Variants in CYP4V2 observed in about 807,000 individuals in gnomAD.
The protein encoded by CYP4V2 is cytochrome P450 4V2.
In CYP4V2, 55 loss-of-function variants were observed where a neutral mutation model predicts 60.8. The ratio of observed to expected loss-of-function variants is 0.90; its 90% CI spans 0.73 to 1.13. The LOEUF (loss-of-function observed/expected upper bound fraction) is 1.13, where lower values mean the gene tolerates loss of function less well. Among genes scored for constraint, CYP4V2 ranks in the 50% most tolerant of loss-of-function variants. The pLI is 0.00. For missense variants in CYP4V2, 675 were observed against 662.9 expected, an observed-to-expected ratio of 1.02 and a Z score of -0.20; for synonymous variants, 239 against 236.8, an observed-to-expected ratio of 1.01 and a Z score of -0.08.
intron 3 of CYP4V2, 160 bp from the exon 4 acceptor site, chr4:186,196,780 T>C (rs1406322111): frequency 6.1e-6 from 4 of 657,294 alleles, no homozygotes; most frequent in Non-Finnish European, 1.0e-5. Context: ...TATATCTTTG[T>C]CATTCTGCCA....
chr4:186,200,149 T>C (rs1736265008), intron 6 of CYP4V2, among the ~76,000 whole-genome samples: 1 of 152,192 alleles, frequency 6.6e-6, no homozygotes, highest in African/African-American at 2.4e-5. Context: ...ATTTTATTCA[T>C]TGAATAAACA....
At chr4:186,208,223 A>C (rs936205616) in intron 8 of CYP4V2, among the ~76,000 whole-genome samples, 1 of 140,980 alleles carries the variant, frequency 7.1e-6, no homozygotes, top group Non-Finnish European at 1.5e-5. Flanking sequence ...CTTGATCCAC[A>C]TGTTCTTCTT....
At chr4:186,194,679 C>A in intron 2 of CYP4V2, 67 bp downstream of exon 2, 1 of 1,406,846 alleles carries the variant, frequency 7.1e-7, no homozygotes, top group Non-Finnish European at 1.0e-6. Context: ...TCACCAGAAT[C>A]AATATAACGT....
chr4:186,191,967 G>T lies in CYP4V2; in HGVS notation c.144G>T (p.Arg48=). 1 of 1,586,288 alleles carries T rather than the reference G, an allele frequency of 6.3e-7. No individual in the cohort carries two copies. ...ACGCGCGGAAATGGCAGCAGATGCG[G>T]CCCATCCCCACGGTGGCCCGCGCCT... ...ASYARKWQQM[R]PIPTVARAYP... Residue 48 remains arginine, a synonymous_variant, in exon 1 of 11, where the codon CGG becomes CGT. Transcript: ENST00000378802.
rs1393821455 is a variant in CYP4V2 at position 186,194,680 on chromosome 4, A to T, written c.327+68A>T. ...ACAGTGTGAGAATCTCACCAGAATC[A>T]ATATAACGTGTCCTTATATTTCAGC... On this transcript the variant is annotated intron_variant, in intron 2 of 10. Coordinates refer to ENST00000378802, the MANE Select transcript of CYP4V2 (RefSeq NM_207352.4). 15 of 1,407,178 alleles carry T rather than the reference A, an allele frequency of 1.1e-5. No individual in the cohort carries two copies. In the Admixed American group the frequency reaches 1.2e-4, roughly 11 times the overall value. 87.2% of individuals were successfully genotyped at this position (1,407,178 alleles called of 1,614,324 possible).
intron 1 of CYP4V2, among the ~76,000 whole-genome samples, chr4:186,192,949 A>AC (rs1736033608): frequency 6.6e-6 from 1 of 152,110 alleles, no homozygotes; most frequent in African/African-American, 2.4e-5. Flanking sequence ...ACTTTTTCTC[A>AC]TTTTCACTTG....
At chr4:186,202,085 C>G (rs1736320967) in intron 7 of CYP4V2, 2 of 152,240 alleles carry the variant, frequency 1.3e-5, no homozygotes, top group South Asian at 4.1e-4. Context: ...TGTGAGGCTC[C>G]ACGACACGGT....
chr4:186,191,730 G>C lies in CYP4V2; in HGVS notation c.-94G>C. The C allele has an allele frequency of 8.4e-7, 1 of 1,183,646 alleles. No individual in the cohort carries two copies. Among genetic ancestry groups the C allele is most frequent in the Non-Finnish European group, 1.1e-6 (1 of 929,146 alleles). 73.3% of individuals were successfully genotyped at this position (1,183,646 alleles called of 1,614,324 possible). On this transcript the variant is annotated 5_prime_UTR_variant, in exon 1 of 11. Transcript: ENST00000378802. ...CGGGGAGCGCGCCAGGTCCGCGCGG[G>C]GAAGTGGGCGGTGTGCGGCCGGCAC...
At position 186,191,884 on chromosome 4, in the gene CYP4V2, G is replaced by A. The variant is rs755283061; in HGVS notation, c.61G>A (p.Ala21Thr). The A allele has an allele frequency of 4.7e-5, 74 of 1,589,836 alleles. No individual in the cohort carries two copies. The South Asian group carries it at 7.9e-4, about 17-fold the overall frequency. Residue 21 changes from alanine to threonine, a missense_variant, in exon 1 of 11, where the codon GCC becomes ACC. Physicochemically the swap from Ala to Thr is moderately conservative, Grantham distance 58 (BLOSUM62 0). Coordinates refer to ENST00000378802, the MANE Select transcript of CYP4V2 (RefSeq NM_207352.4). ...GCTGCTGCTGTGGGGCGCGGCGAGT[G>A]CCCTTTCCCTGGCCGGCGCCAGTCT... is the stretch of plus-strand genomic sequence containing the variant. The part of the protein sequence containing the change: ...QKLLLWGAAS[A>T]LSLAGASLVL...
chr4:186,198,048 G>A (rs922854119), intron 5 of CYP4V2, among the ~76,000 whole-genome samples: 1 of 152,006 alleles, frequency 6.6e-6, no homozygotes, highest in Non-Finnish European at 1.5e-5. Context: ...CATATTTTCT[G>A]CACCAAGTAG....
chr4:186,210,682 T>G lies in CYP4V2; in HGVS notation c.*41T>G. On this transcript the variant is annotated 3_prime_UTR_variant, in exon 11 of 11. Coordinates refer to ENST00000378802, the MANE Select transcript of CYP4V2 (RefSeq NM_207352.4). ...GTGCCTTTATCATGAGAAAGGTCTT[T>G]ATTTTAAGAGATCCTTGTCATTTAC... 1 of 1,611,290 alleles carries G rather than the reference T, an allele frequency of 6.2e-7. No homozygotes were observed. Among genetic ancestry groups the G allele is most frequent in the Non-Finnish European group, 8.5e-7 (1 of 1,178,010 alleles).
chr4:186,191,859 G>A lies in CYP4V2; in HGVS notation c.36G>A (p.Lys12=), dbSNP rs1735992731. The part of the protein sequence containing the change: ...AGLWLGLVWQ[K]LLLWGAASAL... Reference sequence around the variant, plus strand: ...TCTGGCTGGGGCTCGTGTGGCAGAAGCTGCTGCTGTGGGGCGCGGCGAGTG... The same window carrying A: ...TCTGGCTGGGGCTCGTGTGGCAGAAACTGCTGCTGTGGGGCGCGGCGAGTG... Residue 12 remains lysine, a synonymous_variant, in exon 1 of 11, where the codon AAG becomes AAA. Coordinates refer to ENST00000378802, the MANE Select transcript of CYP4V2 (RefSeq NM_207352.4). The A allele has an allele frequency of 6.3e-7, 1 of 1,582,756 alleles. No individual in the cohort carries two copies. Among genetic ancestry groups the A allele is most frequent in the Non-Finnish European group, 8.5e-7 (1 of 1,169,964 alleles).
At chr4:186,209,571 G>A (rs568065977) in intron 10 of CYP4V2, among the ~76,000 whole-genome samples, 1 of 152,172 alleles carries the variant, frequency 6.6e-6, no homozygotes, top group African/African-American at 2.4e-5. Context: ...ACAAGGTGTT[G>A]GCAGGGCTGG....
intron 10 of CYP4V2, among the ~76,000 whole-genome samples, chr4:186,209,821 CAT>C (rs1736650712): frequency 6.6e-6 from 1 of 152,170 alleles, no homozygotes; most frequent in South Asian, 2.1e-4. Context: ...TTACCCATAA[CAT>C]AAAACATAAT....
intron 7 of CYP4V2, chr4:186,202,705 TACACACATAC>T (rs1210711430): frequency 1.3e-5 from 2 of 151,574 alleles, no homozygotes; most frequent in Non-Finnish European, 2.9e-5. Flanking sequence ...CATTCACATA[TACACACATAC>T]ACAAACACAT....
intron 8 of CYP4V2, 102 bp downstream of exon 8, chr4:186,205,404 G>A (rs1427155674): frequency 1.7e-6 from 2 of 1,157,662 alleles, no homozygotes; most frequent in East Asian, 2.4e-5. Flanking sequence ...GCTCCCCCAC[G>A]GGATCCTTTC....
Position 186,200,513 on chromosome 4 carries a change from A to G in CYP4V2, c.802-644A>G, listed in dbSNP as rs540903580. Among the ~76,000 whole-genome samples, 8 of 152,368 alleles carry G rather than the reference A, an allele frequency of 5.3e-5. No individual in the cohort carries two copies. In the East Asian group the frequency reaches 1.2e-3, roughly 22 times the overall value. On this transcript the variant is annotated intron_variant, in intron 6 of 10. Transcript: ENST00000378802. ...GTAAGTATAATATCACATTATAATAATAAGTATGACAGAAGTATCACATAA... is the reference window on the plus strand; with the variant it reads ...GTAAGTATAATATCACATTATAATAGTAAGTATGACAGAAGTATCACATAA...
In CYP4V2 at chr4:186,204,035, A is replaced by AT. The variant is rs5864975; in HGVS notation, c.988-1153dup. ...TTACTGTTATTGACTTTCCAGATACATTTTTTTTTTTTCTGAAGAACTCAC... is the reference window on the plus strand; with the variant it reads ...TTACTGTTATTGACTTTCCAGATACATTTTTTTTTTTTTCTGAAGAACTCAC... On this transcript the variant is annotated intron_variant, in intron 7 of 10. Coordinates refer to ENST00000378802, the MANE Select transcript of CYP4V2 (RefSeq NM_207352.4). 740 of 151,344 alleles carry AT rather than the reference A, an allele frequency of 4.9e-3. 5 individuals are homozygous for AT. Among genetic ancestry groups the AT allele is most frequent in the African/African-American group, 0.014 (566 of 41,322 alleles). The allele number at this position is 151,344 out of a possible 1,614,324, so 9.4% of individuals were successfully genotyped here.
Position 186,191,670 on chromosome 4 carries a change from G to T in CYP4V2, c.-154G>T. The T allele has an allele frequency of 1.5e-6, 1 of 659,760 alleles. No individual in the cohort carries two copies. The highest frequency in any genetic ancestry group is 2.1e-6 in the Non-Finnish European group (1 of 475,120). 40.9% of individuals were successfully genotyped at this position (659,760 alleles called of 1,614,324 possible). On this transcript the variant is annotated 5_prime_UTR_variant, in exon 1 of 11. Coordinates refer to ENST00000378802, the MANE Select transcript of CYP4V2 (RefSeq NM_207352.4). ...GCCCTCTCTGGCCGCCGCCCGGGCG[G>T]GAAACGTCGTTCCGGGGACCGGGCG... is the stretch of plus-strand genomic sequence containing the variant.
Sources: gnomAD v4.1 joint callset for allele counts (sites outside exome capture counted in the v4.1 genomes callset) on GRCh38, gnomAD v4.1.1 for gene constraint, MANE v1.5 for transcripts, NCBI Gene and HGNC (gene_info 2026-07-23, HGNC 2026-07-21) for gene names.